Variants in NLGN4X observed in about 807,000 individuals in gnomAD.
NLGN4X encodes the protein neuroligin-4, X-linked.
A neutral mutation model predicts 40.3 loss-of-function variants in NLGN4X; 3 were observed. The ratio of observed to expected loss-of-function variants is 0.07; its 90% confidence interval spans 0.03 to 0.19. NLGN4X has a LOEUF of 0.19. Ranked by LOEUF, NLGN4X falls within the 10% of genes least tolerant of loss-of-function variation. The pLI, the probability that NLGN4X is intolerant of heterozygous loss-of-function variation, is 1.00. For synonymous variants in NLGN4X, 270 were observed against 306.8 expected (o/e 0.88, Z 1.25); for missense variants, 382 against 708.3 (o/e 0.54, Z 5.23).
intron 3 of NLGN4X, among the ~76,000 whole-genome samples, chrX:5,972,172 TATGC>T (rs1310007346): frequency 1.8e-5 from 2 of 110,632 alleles, no homozygotes; most frequent in African/African-American, 3.3e-5. Flanking sequence ...TGCATGTATG[TATGC>T]ATGCATGCAT....
At chrX:6,134,099 A>G (rs761237034) in intron 2 of NLGN4X, among the ~76,000 whole-genome samples, 91 of 110,823 alleles carry the variant, frequency 8.2e-4, no homozygotes, top group Non-Finnish European at 1.6e-3. Context: ...TTAGCTAAAT[A>G]CTTGTCCTGG....
intron 2 of NLGN4X, among the ~76,000 whole-genome samples, chrX:6,060,496 A>G (rs1052042987): frequency 7.2e-5 from 8 of 111,862 alleles, no homozygotes; most frequent in Admixed American, 5.7e-4. Context: ...CTTATCTCAC[A>G]TTAAATTCAT....
intron 1 of NLGN4X, among the ~76,000 whole-genome samples, chrX:6,211,067 T>C (rs759828600): frequency 7.8e-4 from 88 of 112,612 alleles, no homozygotes; most frequent in Non-Finnish European, 1.5e-3. Flanking sequence ...CCATTCATAA[T>C]TGCTGAAGCC....
chrX:6,095,381 A>C (rs1023422235), intron 2 of NLGN4X, among the ~76,000 whole-genome samples: 1 of 111,850 alleles, frequency 8.9e-6, no homozygotes, highest in African/African-American at 3.3e-5. Flanking sequence ...AAAACTCATA[A>C]GCTGCACTTC....
chrX:5,963,292 G>A (rs964932213), intron 3 of NLGN4X, among the ~76,000 whole-genome samples: 4 of 111,384 alleles, frequency 3.6e-5, no homozygotes, highest in African/African-American at 1.3e-4. Flanking sequence ...AGGCAAATGA[G>A]AAATATGCCA....
At chrX:6,200,682 C>CTTTTTTTTTTTTT (rs775377499) in intron 1 of NLGN4X, among the ~76,000 whole-genome samples, 1 of 71,649 alleles carries the variant, frequency 1.4e-5, no homozygotes, top group East Asian at 3.7e-4. Flanking sequence ...TATTCCTTTC[C>CTTTTTTTTTTTTT]TTTTCTTTTT....
At chrX:6,078,702 T>C (rs1458744557) in intron 2 of NLGN4X, among the ~76,000 whole-genome samples, 1 of 92,914 alleles carries the variant, frequency 1.1e-5, no homozygotes, top group Non-Finnish European at 2.2e-5. Flanking sequence ...TAAATTCTAT[T>C]AAAACCATTC....
At chrX:6,001,435 T>C in intron 3 of NLGN4X, among the ~76,000 whole-genome samples, 1 of 112,310 alleles carries the variant, frequency 8.9e-6, no homozygotes, top group Admixed American at 9.4e-5. Flanking sequence ...TTACTTCTTG[T>C]GATGCTTAGA....
Position 6,143,327 on chromosome X carries a change from A to T in NLGN4X, c.472+7668T>A, listed in dbSNP as rs1488731686. Among the ~76,000 whole-genome samples the T allele has an allele frequency of 1.6e-4, 18 of 112,417 alleles. No individual in the cohort carries two copies. In the Admixed American group the frequency reaches 1.6e-3, roughly 10 times the overall value. ...ACAAGTTTTGGTTGGAGGAGGAAAC[A>T]AGGTGTAGCTTGAAAAGGTCAGAGA... On this transcript the variant is annotated intron_variant, in intron 2 of 5. Transcript: ENST00000381095.
intron 2 of NLGN4X, chrX:6,061,795 T>C (rs992859703): frequency 8.9e-6 from 1 of 111,968 alleles, no homozygotes; most frequent in Non-Finnish European, 1.9e-5. Context: ...CTCTCTGTCA[T>C]TGAAATGCCT....
intron 3 of NLGN4X, among the ~76,000 whole-genome samples, chrX:6,013,659 G>A (rs927823846): frequency 7.3e-5 from 8 of 110,185 alleles, no homozygotes; most frequent in African/African-American, 2.3e-4. Flanking sequence ...AGGGGTTCAC[G>A]ACCAGCCTGG....
intron 2 of NLGN4X, among the ~76,000 whole-genome samples, chrX:6,074,691 G>C (rs892422942): frequency 2.7e-5 from 3 of 111,827 alleles, no homozygotes; most frequent in Non-Finnish European, 5.6e-5. Flanking sequence ...GAGTCATAGA[G>C]AGGAAGGTAA....
intron 2 of NLGN4X, among the ~76,000 whole-genome samples, chrX:6,065,111 T>C (rs2037876518): frequency 9.1e-6 from 1 of 110,096 alleles, no homozygotes; most frequent in South Asian, 4.0e-4. Context: ...AGGGTCTACT[T>C]CAAAGTGGTG....
At chrX:6,224,845 T>C (rs748146268) in intron 1 of NLGN4X, among the ~76,000 whole-genome samples, 1 of 59,425 alleles carries the variant, frequency 1.7e-5, no homozygotes, top group South Asian at 7.1e-4. Flanking sequence ...GCAATTATTA[T>C]TCTGATTTCA....
chrX:5,969,415 A>G (rs1311069844), intron 3 of NLGN4X, among the ~76,000 whole-genome samples: 6 of 112,072 alleles, frequency 5.4e-5, no homozygotes, highest in African/African-American at 1.9e-4. Flanking sequence ...CAAAAGACAC[A>G]TGAAAAAATG....
At chrX:6,220,825 C>G (rs2147903896) in intron 1 of NLGN4X, among the ~76,000 whole-genome samples, 1 of 105,267 alleles carries the variant, frequency 9.5e-6, no homozygotes, top group East Asian at 3.0e-4. Context: ...GCAACCTCCC[C>G]CTCCCAGGTT....
intron 1 of NLGN4X, among the ~76,000 whole-genome samples, chrX:6,164,123 A>G (rs2040454681): frequency 8.9e-6 from 1 of 112,875 alleles, no homozygotes; most frequent in Non-Finnish European, 1.9e-5. Context: ...TGCCTGCAGG[A>G]ATTTCACTCA....
chrX:5,962,100 G>A (rs1215322089), intron 3 of NLGN4X, among the ~76,000 whole-genome samples: 3 of 112,109 alleles, frequency 2.7e-5, no homozygotes, highest in African/African-American at 9.7e-5. Context: ...TCTAAGAGAA[G>A]GCAGTTACAC....
intron 3 of NLGN4X, among the ~76,000 whole-genome samples, chrX:5,921,433 GAGGAGAGAC>G (rs1481651650): frequency 6.6e-5 from 7 of 105,642 alleles, no homozygotes; most frequent in African/African-American, 2.4e-4. Context: ...GAGAGAGAGA[GAGGAGAGAC>G]AGAGACAGAG....
Sources: gnomAD v4.1 joint callset for allele counts (sites outside exome capture counted in the v4.1 genomes callset) on GRCh38, gnomAD v4.1.1 for gene constraint, MANE v1.5 for transcripts, NCBI Gene and HGNC (gene_info 2026-07-23, HGNC 2026-07-21) for gene names.